The following CRISPLD2 variants were observed in gnomAD, a reference collection of about 807,000 sequenced individuals.
CRISPLD2 encodes cysteine-rich secretory protein LCCL domain-containing 2.
CRISPLD2 carries 47 observed loss-of-function variants against 71.1 expected under a neutral mutation model. The observed-to-expected ratio is 0.66, with a 90% confidence interval of 0.52 to 0.84. The LOEUF (loss-of-function observed/expected upper bound fraction) is 0.84. CRISPLD2 is among the 40% of genes least tolerant of loss of function. The pLI is 0.00. For missense variants in CRISPLD2, 830 were observed against 651.1 expected (o/e 1.27, Z -2.99); for synonymous variants, 317 against 250.1 (o/e 1.27, Z -2.52).
chr16:84,872,255 G>A (rs2071477451), intron 8 of CRISPLD2, among the ~76,000 whole-genome samples, 187 bp from the exon 9 acceptor site: 1 of 152,208 alleles, frequency 6.6e-6, no homozygotes, highest in African/African-American at 2.4e-5. Context: ...AGGGACGACT[G>A]TATTGTGCTT....
At chr16:84,898,564 G>C (rs935694045) in intron 14 of CRISPLD2, among the ~76,000 whole-genome samples, 2 of 152,166 alleles carry the variant, frequency 1.3e-5, no homozygotes, top group African/African-American at 2.4e-5. Flanking sequence ...CATCCAGCCT[G>C]CACTTGTCTC....
intron 14 of CRISPLD2, among the ~76,000 whole-genome samples, chr16:84,901,556 C>T (rs1424585420): frequency 1.3e-5 from 2 of 150,676 alleles, no homozygotes; most frequent in African/African-American, 4.9e-5. Context: ...ATTGCAACCT[C>T]CACCTCCTGG....
chr16:84,831,148 G>A (rs998656229), intron 1 of CRISPLD2, among the ~76,000 whole-genome samples: 2 of 152,182 alleles, frequency 1.3e-5, no homozygotes, highest in Non-Finnish European at 2.9e-5. Context: ...TGTCAACTCA[G>A]CTGAGACGCA....
At chr16:84,902,045 G>A (rs545133030) in intron 14 of CRISPLD2, among the ~76,000 whole-genome samples, 3 of 148,514 alleles carry the variant, frequency 2.0e-5, no homozygotes, top group South Asian at 2.2e-4. Flanking sequence ...GTGATCTGCC[G>A]GCCTCGACCT....
At chr16:84,855,873 G>A (rs1241113812) in intron 6 of CRISPLD2, among the ~76,000 whole-genome samples, 1 of 152,200 alleles carries the variant, frequency 6.6e-6, no homozygotes, top group East Asian at 1.9e-4. Flanking sequence ...ATACTTAAAT[G>A]CTGATATGAA....
At chr16:84,888,372 A>T (rs1199287176) in intron 13 of CRISPLD2, among the ~76,000 whole-genome samples, 1 of 152,182 alleles carries the variant, frequency 6.6e-6, no homozygotes. Context: ...TGTCCCTACA[A>T]ATAATTTTTA....
In CRISPLD2 at chr16:84,904,434, A is replaced by G. The variant is rs1488531931; in HGVS notation, c.1440-2154A>G. Reference sequence around the variant, plus strand: ...CCCCATCTCTGCTAAAAATACAAAAATTAGCCCCGCGTGGTGGTGTGCACC... The same window carrying G: ...CCCCATCTCTGCTAAAAATACAAAAGTTAGCCCCGCGTGGTGGTGTGCACC... On this transcript the variant is annotated intron_variant, in intron 14 of 14. Coordinates refer to ENST00000262424, the MANE Select transcript of CRISPLD2 (RefSeq NM_031476.4). 2.6e-5 allele frequency among the ~76,000 whole-genome samples: 4 copies of G among 152,046 alleles called. No individual in the cohort carries two copies. The East Asian group carries it at 7.7e-4, about 29-fold the overall frequency.
Position 84,835,211 on chromosome 16 carries a change from C to G in CRISPLD2, c.-74-3211C>G, listed in dbSNP as rs1916587475. 2.0e-5 allele frequency among the ~76,000 whole-genome samples: 3 copies of G among 152,160 alleles called. No individual in the cohort carries two copies. In the South Asian group the frequency reaches 6.2e-4, roughly 32 times the overall value. The stretch of plus-strand genomic sequence containing the variant: ...GTTCAAGCAATTCTCCTGCCTCGGC[C>G]TGCCAAGTAGCTGGGATTACAGGCA... On this transcript the variant is annotated intron_variant, in intron 1 of 14. Coordinates refer to ENST00000262424, the MANE Select transcript of CRISPLD2 (RefSeq NM_031476.4).
At chr16:84,848,238 CTG>C (rs1173104741) in intron 3 of CRISPLD2, among the ~76,000 whole-genome samples, 1 of 152,220 alleles carries the variant, frequency 6.6e-6, no homozygotes, top group Non-Finnish European at 1.5e-5. Context: ...TGCCTCCTCA[CTG>C]TGTGCACGCC....
intron 13 of CRISPLD2, 75 bp downstream of exon 13, chr16:84,880,659 G>T (rs1403702268): frequency 9.1e-7 from 1 of 1,102,000 alleles, no homozygotes; most frequent in Non-Finnish European, 1.4e-6. Flanking sequence ...CCAAGATCTG[G>T]ATACTTGAAA....
chr16:84,886,056 A>T (rs1032727825), intron 13 of CRISPLD2, among the ~76,000 whole-genome samples: 2 of 151,942 alleles, frequency 1.3e-5, no homozygotes, highest in Non-Finnish European at 2.9e-5. Context: ...ATGCCCAGCT[A>T]ATTTTCTATT....
rs566631149 is a variant in CRISPLD2 at position 84,890,864 on chromosome 16, G to A, written c.1439+1501G>A. On this transcript the variant is annotated intron_variant, in intron 14 of 14. Coordinates refer to ENST00000262424, the MANE Select transcript of CRISPLD2 (RefSeq NM_031476.4). The stretch of plus-strand genomic sequence containing the variant: ...TTCCTAAGTGGGGCCTTTCCTGAGT[G>A]TCATTCAGAAAGGGCACTCAGCCTC... 3.9e-3 allele frequency among the ~76,000 whole-genome samples: 600 copies of A among 152,286 alleles called. 2 individuals carry two copies. The highest frequency in any genetic ancestry group is 4.8e-3 in the Non-Finnish European group (325 of 68,008).
intron 6 of CRISPLD2, among the ~76,000 whole-genome samples, chr16:84,865,307 C>T (rs960446283): frequency 1.3e-5 from 2 of 152,162 alleles, no homozygotes. Context: ...AGGCACCCGC[C>T]ATCATGCCCA....
chr16:84,868,905 G>T lies in CRISPLD2; in HGVS notation c.908G>T (p.Cys303Phe). 2 of 1,606,974 alleles carry T rather than the reference G, an allele frequency of 1.2e-6. No individual in the cohort carries two copies. Among genetic ancestry groups the T allele is most frequent in the Non-Finnish European group, 1.7e-6 (2 of 1,176,932 alleles). The change falls in exon 8 of 15, where the codon TGT becomes TTT. Residue 303 changes from cysteine to phenylalanine, a missense_variant. Coordinates refer to ENST00000262424, the MANE Select transcript of CRISPLD2 (RefSeq NM_031476.4). ...AAGGACAGGTGCAAAGGGTCCACGT[G>T]TAACAGGTGAGCCTGTGCTGGGCTG... ...KMKDRCKGST[C>F]NRYQCPAGCL...
intron 8 of CRISPLD2, among the ~76,000 whole-genome samples, chr16:84,870,788 G>A (rs1336661456): frequency 1.3e-5 from 2 of 152,086 alleles, no homozygotes; most frequent in Non-Finnish European, 1.5e-5. Context: ...GCCAGGTACG[G>A]TGGCTCAAGC....
At chr16:84,887,097 G>T (rs2071620024) in intron 13 of CRISPLD2, among the ~76,000 whole-genome samples, 1 of 152,154 alleles carries the variant, frequency 6.6e-6, no homozygotes, top group Non-Finnish European at 1.5e-5. Context: ...CTTGAAGGAG[G>T]CACCAGCTTG....
chr16:84,835,117 T>C (rs995187023), intron 1 of CRISPLD2, among the ~76,000 whole-genome samples: 1 of 152,006 alleles, frequency 6.6e-6, no homozygotes, highest in African/African-American at 2.4e-5. Context: ...TGAGGTGAAG[T>C]TTTGCTCTTG....
At position 84,898,322 on chromosome 16, in the gene CRISPLD2, C is replaced by G. The variant is rs560664359; in HGVS notation, c.1440-8266C>G. Among the ~76,000 whole-genome samples, 4 of 152,304 alleles carry G rather than the reference C, an allele frequency of 2.6e-5. No individual in the cohort carries two copies. In the South Asian group the frequency reaches 8.3e-4, roughly 32 times the overall value. On this transcript the variant is annotated intron_variant, in intron 14 of 14. Transcript: ENST00000262424. ...CTTTCCATTGTACTAAGAATCAAATCCGCCCCACTCCCATTCAAGGCCGCA... is the reference window on the plus strand; with the variant it reads ...CTTTCCATTGTACTAAGAATCAAATGCGCCCCACTCCCATTCAAGGCCGCA...
intron 14 of CRISPLD2, among the ~76,000 whole-genome samples, chr16:84,904,296 G>A (rs1019363441): frequency 5.9e-5 from 9 of 152,166 alleles, no homozygotes; most frequent in Admixed American, 2.6e-4. Context: ...TTAAGAGAAC[G>A]TGATTGGGCC....
Sources: gnomAD v4.1 joint callset for allele counts (sites outside exome capture counted in the v4.1 genomes callset) on GRCh38, gnomAD v4.1.1 for gene constraint, MANE v1.5 for transcripts, NCBI Gene and HGNC (gene_info 2026-07-23, HGNC 2026-07-21) for gene names.